UPF2: variants seen among roughly 807,000 people sequenced by gnomAD.
UPF2 encodes UPF2 regulator of nonsense mediated mRNA decay, also known as regulator of nonsense transcripts 2.
A neutral mutation model predicts 141.4 loss-of-function variants in UPF2; 17 were observed. The ratio of observed to expected loss-of-function variants is 0.12; its 90% CI spans 0.08 to 0.18. The LOEUF (loss-of-function observed/expected upper bound fraction) is 0.18. Ranked by LOEUF, UPF2 falls within the 10% of genes least tolerant of loss-of-function variation. The pLI is 1.00. For missense variants in UPF2, 1,152 were observed against 1,515.9 expected (o/e 0.76, Z 3.99); for synonymous variants, 540 against 498.0 (o/e 1.08, Z -1.12).
At chr10:11,957,210 T>C (rs1833166314) in intron 12 of UPF2, among the ~76,000 whole-genome samples, 4 of 151,900 alleles carry the variant, frequency 2.6e-5, no homozygotes, top group South Asian at 2.1e-4. Context: ...GGGTGGATAA[T>C]CTGAGGTCAG....
At chr10:11,977,911 C>G (rs565073820) in intron 9 of UPF2, among the ~76,000 whole-genome samples, 1 of 152,172 alleles carries the variant, frequency 6.6e-6, no homozygotes, top group Admixed American at 6.5e-5. Flanking sequence ...CGTACTACTA[C>G]CTATGAAAAT....
intron 4 of UPF2, among the ~76,000 whole-genome samples, chr10:12,009,272 T>C (rs1834089064): frequency 6.6e-6 from 1 of 152,290 alleles, no homozygotes; most frequent in Non-Finnish European, 1.5e-5. Flanking sequence ...CTGACAATAA[T>C]AGCTAAAAGC....
At chr10:12,020,575 CTCAT>C (rs936484512) in intron 3 of UPF2, among the ~76,000 whole-genome samples, 1 of 152,148 alleles carries the variant, frequency 6.6e-6, no homozygotes, top group African/African-American at 2.4e-5. Context: ...AAGAGAAATT[CTCAT>C]TCAAATGTCT....
intron 4 of UPF2, among the ~76,000 whole-genome samples, chr10:12,012,361 C>A (rs1834143700): frequency 6.6e-6 from 1 of 152,090 alleles, no homozygotes; most frequent in Non-Finnish European, 1.5e-5. Flanking sequence ...CGCACCCAGC[C>A]ATATGCTAAA....
chr10:11,987,228 G>T (rs1470528342), intron 8 of UPF2, among the ~76,000 whole-genome samples: 2 of 152,250 alleles, frequency 1.3e-5, no homozygotes, highest in South Asian at 4.1e-4. Context: ...TTAACACCTA[G>T]GTGATGAGAT....
chr10:11,972,631 C>T (rs571268529), intron 9 of UPF2, among the ~76,000 whole-genome samples: 99 of 152,188 alleles, frequency 6.5e-4, no homozygotes, highest in Non-Finnish European at 1.2e-3. Flanking sequence ...GAACATGCAG[C>T]GTTTGGTTTT....
intron 3 of UPF2, among the ~76,000 whole-genome samples, chr10:12,022,660 A>C (rs890661034): frequency 2.0e-5 from 3 of 152,182 alleles, no homozygotes; most frequent in Non-Finnish European, 4.4e-5. Context: ...GTAACATCTT[A>C]ATTGTGCTTA....
At chr10:11,951,770 AC>A (rs1833078320) in intron 15 of UPF2, among the ~76,000 whole-genome samples, 1 of 152,218 alleles carries the variant, frequency 6.6e-6, no homozygotes, top group African/African-American at 2.4e-5. Context: ...TATATTAGCA[AC>A]CAAAAATTCT....
chr10:12,013,816 T>C (rs1834172443), intron 4 of UPF2, among the ~76,000 whole-genome samples: 1 of 152,146 alleles, frequency 6.6e-6, no homozygotes, highest in African/African-American at 2.4e-5. Context: ...CCCAGGCTGC[T>C]ATCAAACTCC....
At chr10:11,949,536 A>T (rs969614718) in intron 15 of UPF2, among the ~76,000 whole-genome samples, 6 of 152,226 alleles carry the variant, frequency 3.9e-5, no homozygotes, top group African/African-American at 1.4e-4. Context: ...TAACGATCTC[A>T]TAAATATTAC....
At chr10:11,948,306 C>T in intron 16 of UPF2, 63 bp downstream of exon 16, 1 of 1,398,388 alleles carries the variant, frequency 7.2e-7, no homozygotes, top group Non-Finnish European at 9.4e-7. Context: ...AAAATTTTGG[C>T]TCATATAATC....
chr10:12,033,214 G>GA (rs972925770), intron 2 of UPF2, among the ~76,000 whole-genome samples: 1 of 151,788 alleles, frequency 6.6e-6, no homozygotes, highest in East Asian at 1.9e-4. Flanking sequence ...GACTAACTTA[G>GA]AAAAAAAAGA....
At chr10:12,027,795 T>C (rs750218191) in intron 3 of UPF2, among the ~76,000 whole-genome samples, 3 of 152,194 alleles carry the variant, frequency 2.0e-5, no homozygotes, top group Non-Finnish European at 4.4e-5. Flanking sequence ...AATCATCTTC[T>C]AGTGGTAACT....
intron 9 of UPF2, among the ~76,000 whole-genome samples, chr10:11,974,071 T>C (rs376436896): frequency 9.8e-5 from 15 of 152,324 alleles, no homozygotes; most frequent in East Asian, 7.7e-4. Context: ...CAGTGGTTTG[T>C]ACTTCTCCTT....
chr10:11,996,652 G>A (rs752846744), intron 8 of UPF2, among the ~76,000 whole-genome samples: 35 of 152,226 alleles, frequency 2.3e-4, no homozygotes, highest in Non-Finnish European at 1.9e-4. Context: ...CCTGAAGTAT[G>A]TAATTTTACG....
chr10:12,023,132 T>C (rs1564370099), intron 3 of UPF2, among the ~76,000 whole-genome samples: 1 of 152,226 alleles, frequency 6.6e-6, no homozygotes, highest in Non-Finnish European at 1.5e-5. Context: ...ATAATTGAGT[T>C]ATAGCCATGA....
chr10:11,979,252 C>T lies in UPF2; in HGVS notation c.1845-87G>A, dbSNP rs1349401370. The T allele has an allele frequency of 1.1e-6, 1 of 926,544 alleles. No homozygotes were observed. The highest frequency in any genetic ancestry group is 1.6e-6 in the Non-Finnish European group (1 of 610,564). The allele number at this position is 926,544 out of a possible 1,614,324, so 57.4% of individuals were successfully genotyped here. A position where few individuals can be genotyped will look rare whatever the true frequency, so the allele number is the denominator to read the frequency against. On this transcript the variant is annotated intron_variant, in intron 8 of 21. Coordinates refer to ENST00000357604, the MANE Select transcript of UPF2 (RefSeq NM_015542.4). The surrounding 1 kb of genome is among the most constrained non-coding windows in gnomAD (Gnocchi z 6.2). ...AATTTAAACTTTTCAGATGTATTCA[C>T]ACATTAAATGATCTTAAAACTCATA...
intron 4 of UPF2, among the ~76,000 whole-genome samples, chr10:12,012,351 C>T (rs963423367): frequency 3.9e-5 from 6 of 152,116 alleles, no homozygotes; most frequent in East Asian, 3.9e-4. Flanking sequence ...CGTGAGCCAC[C>T]GCACCCAGCC....
chr10:12,005,346 G>C (rs1179402417), intron 4 of UPF2, among the ~76,000 whole-genome samples: 1 of 152,200 alleles, frequency 6.6e-6, no homozygotes, highest in African/African-American at 2.4e-5. Context: ...CCAGGAAGCA[G>C]AGATTCTAAA....
Sources: gnomAD v4.1 joint callset for allele counts (sites outside exome capture counted in the v4.1 genomes callset) on GRCh38, gnomAD v4.1.1 for gene constraint, Gnocchi (gnomAD v3.1) non-coding constraint, MANE v1.5 for transcripts, NCBI Gene and HGNC (gene_info 2026-07-23, HGNC 2026-07-21) for gene names.